PPARG: variants seen among roughly 807,000 people sequenced by gnomAD.
PPARG encodes peroxisome proliferator-activated receptor gamma.
In PPARG, 17 loss-of-function variants were observed where a neutral mutation model predicts 39.2. The observed-to-expected ratio is 0.43, with a 90% CI of 0.30 to 0.65. PPARG has a LOEUF of 0.65. Among genes scored for constraint, PPARG ranks in the 30% least tolerant of loss-of-function variants. PPARG has a pLI of 0.13. For missense variants in PPARG, 406 were observed against 585.9 expected (o/e 0.69, Z 3.17); for synonymous variants, 223 against 215.7 (o/e 1.03, Z -0.30).
At chr3:12,304,313 A>G (rs1194647435) in intron 1 of PPARG, among the ~76,000 whole-genome samples, 2 of 152,202 alleles carry the variant, frequency 1.3e-5, no homozygotes, top group Non-Finnish European at 2.9e-5. Flanking sequence ...AACTTTTATT[A>G]TTCAACTTAT....
chr3:12,361,533 T>TA (rs1227468821), intron 2 of PPARG, among the ~76,000 whole-genome samples: 2 of 152,248 alleles, frequency 1.3e-5, no homozygotes, highest in African/African-American at 4.8e-5. Context: ...GTGTATGTTG[T>TA]AAGGCAAGGG....
intron 6 of PPARG, among the ~76,000 whole-genome samples, chr3:12,409,481 C>G (rs910791967): frequency 2.0e-5 from 3 of 151,690 alleles, no homozygotes; most frequent in African/African-American, 7.3e-5. Flanking sequence ...TCTACATGGT[C>G]ATGTTACTCA....
intron 1 of PPARG, among the ~76,000 whole-genome samples, chr3:12,304,791 G>A (rs1292367538): frequency 6.6e-6 from 1 of 152,200 alleles, no homozygotes; most frequent in Non-Finnish European, 1.5e-5. Flanking sequence ...CGTGAATACA[G>A]AAAGAAGCAA....
intron 5 of PPARG, among the ~76,000 whole-genome samples, chr3:12,403,283 A>C (rs2050541936): frequency 9.5e-6 from 1 of 105,272 alleles, no homozygotes; most frequent in Admixed American, 1.1e-4. Context: ...ACAGAACGAG[A>C]CCCTGTCTCA....
intron 2 of PPARG, among the ~76,000 whole-genome samples, chr3:12,371,340 A>G (rs972217540): frequency 1.3e-5 from 2 of 152,202 alleles, no homozygotes; most frequent in African/African-American, 4.8e-5. Flanking sequence ...AGCAAACGGC[A>G]CAAAGCAAGC....
At chr3:12,424,480 G>A (rs951874596) in intron 7 of PPARG, among the ~76,000 whole-genome samples, 1 of 152,172 alleles carries the variant, frequency 6.6e-6, no homozygotes, top group African/African-American at 2.4e-5. Flanking sequence ...AGGCTCAGTC[G>A]ATCAGTCAGT....
chr3:12,430,200 T>A (rs2051608605), intron 7 of PPARG, among the ~76,000 whole-genome samples: 1 of 152,220 alleles, frequency 6.6e-6, no homozygotes, highest in African/African-American at 2.4e-5. Flanking sequence ...TACAGACTTC[T>A]TCATTGTGTA....
At chr3:12,371,419 A>T (rs1306010304) in intron 2 of PPARG, among the ~76,000 whole-genome samples, 1 of 152,214 alleles carries the variant, frequency 6.6e-6, no homozygotes, top group African/African-American at 2.4e-5. Flanking sequence ...TTATTAGACT[A>T]TTCAAGACTA....
At chr3:12,344,158 GC>G (rs1267909242) in intron 2 of PPARG, among the ~76,000 whole-genome samples, 1 of 152,090 alleles carries the variant, frequency 6.6e-6, no homozygotes, top group Non-Finnish European at 1.5e-5. Context: ...ACCACGCCCA[GC>G]CAATCTCACA....
rs1478853273 is a variant in PPARG at position 12,323,211 on chromosome 3, G to T, written c.-9+10758G>T. On this transcript the variant is annotated intron_variant, in intron 2 of 7. Transcript: ENST00000651735. ...TTGGCTGATAAATAGAGAAATGGAG[G>T]TATTAAAAGAAATTGGGAAGAGAGA... 3.0e-4 allele frequency among the ~76,000 whole-genome samples: 45 copies of T among 152,194 alleles called. 1 individual carries two copies. Among genetic ancestry groups the T allele is most frequent in the Admixed American group, 2.9e-3 (45 of 15,262 alleles).
chr3:12,353,176 C>T (rs1056679134), intron 2 of PPARG, among the ~76,000 whole-genome samples: 1 of 152,142 alleles, frequency 6.6e-6, no homozygotes, highest in Non-Finnish European at 1.5e-5. Flanking sequence ...GTCTCAATTT[C>T]CTCTAAAAGA....
intron 2 of PPARG, among the ~76,000 whole-genome samples, chr3:12,328,993 C>T (rs1464863598): frequency 6.6e-6 from 1 of 152,190 alleles, no homozygotes. Context: ...AATCCTGAGG[C>T]CTCCTAGAGG....
At chr3:12,415,548 G>T (rs1327908421) in intron 6 of PPARG, among the ~76,000 whole-genome samples, 1 of 152,114 alleles carries the variant, frequency 6.6e-6, no homozygotes, top group Non-Finnish European at 1.5e-5. Flanking sequence ...TACAAGGGAA[G>T]TAAAAGAGAG....
At chr3:12,380,536 C>T (rs925515886) in intron 3 of PPARG, among the ~76,000 whole-genome samples, 6 of 152,122 alleles carry the variant, frequency 3.9e-5, no homozygotes, top group Middle Eastern at 3.2e-3. Flanking sequence ...GATGCTATTT[C>T]CTTGATTTTT....
At chr3:12,334,135 T>C (rs2047942400) in intron 2 of PPARG, among the ~76,000 whole-genome samples, 3 of 152,210 alleles carry the variant, frequency 2.0e-5, no homozygotes, top group African/African-American at 4.8e-5. Context: ...TTGTATAATA[T>C]TTCCCACAGT....
intron 5 of PPARG, among the ~76,000 whole-genome samples, chr3:12,395,704 C>T (rs760899461): frequency 5.9e-5 from 9 of 152,306 alleles, no homozygotes; most frequent in Admixed American, 1.3e-4. Context: ...AATAAACACA[C>T]GTTCTTAATT....
chr3:12,372,202 C>T, intron 2 of PPARG: 1 of 715,676 alleles, frequency 1.4e-6, no homozygotes, highest in Non-Finnish European at 2.6e-6. Flanking sequence ...TGCCCCCCTG[C>T]CTGCCTGGCA....
At chr3:12,412,400 A>G (rs1185970659) in intron 6 of PPARG, among the ~76,000 whole-genome samples, 1 of 152,226 alleles carries the variant, frequency 6.6e-6, no homozygotes, top group Non-Finnish European at 1.5e-5. Flanking sequence ...ATAAAACAGT[A>G]CTTTTAATCC....
chr3:12,340,772 T>C (rs1265624233), intron 2 of PPARG, among the ~76,000 whole-genome samples: 2 of 152,210 alleles, frequency 1.3e-5, no homozygotes, highest in Non-Finnish European at 2.9e-5. Context: ...AACTATGCCC[T>C]GTAATTTAGG....
Sources: allele counts gnomAD v4.1 joint callset (sites outside exome capture counted in the v4.1 genomes callset), GRCh38; gene constraint gnomAD v4.1.1; transcripts MANE v1.5; gene names NCBI Gene and HGNC (gene_info 2026-07-23, HGNC 2026-07-21).